SGCZ: variants seen among roughly 807,000 people sequenced by gnomAD.
SGCZ encodes sarcoglycan zeta.
A neutral mutation model predicts 41.3 loss-of-function variants in SGCZ; 40 were observed. The observed-to-expected ratio is 0.97, with a 90% CI of 0.75 to 1.26. SGCZ has a LOEUF of 1.26. SGCZ is among the 50% of genes most tolerant of loss of function. SGCZ has a pLI of 0.00. For synonymous variants in SGCZ, 206 were observed against 137.5 expected (o/e 1.50, Z -3.49); for missense variants, 552 against 369.8 (o/e 1.49, Z -4.04).
At chr8:14,520,517 C>G (rs1015062418) in intron 2 of SGCZ, among the ~76,000 whole-genome samples, 1 of 152,082 alleles carries the variant, frequency 6.6e-6, no homozygotes, top group Non-Finnish European at 1.5e-5. Context: ...TAAAATGTAA[C>G]AATTCTGCAA....
intron 2 of SGCZ, among the ~76,000 whole-genome samples, chr8:14,384,878 C>G (rs1482241050): frequency 1.3e-5 from 2 of 152,184 alleles, no homozygotes; most frequent in African/African-American, 2.4e-5. Context: ...ATTGGCAATT[C>G]TTATTTGTAA....
intron 1 of SGCZ, among the ~76,000 whole-genome samples, chr8:15,097,846 ATATATATATAC>A (rs1806421858): frequency 1.1e-5 from 1 of 92,770 alleles, no homozygotes; most frequent in Non-Finnish European, 2.1e-5. Flanking sequence ...GTGTGTGTAT[ATATATATATAC>A]GTGTGTGTGT....
intron 1 of SGCZ, among the ~76,000 whole-genome samples, chr8:14,764,482 A>AGT (rs1295365572): frequency 6.6e-6 from 1 of 152,210 alleles, no homozygotes; most frequent in Admixed American, 6.5e-5. Flanking sequence ...TGCAAAGCTA[A>AGT]GTGTAAACCA....
chr8:14,148,148 A>G (rs1803584966), intron 5 of SGCZ, among the ~76,000 whole-genome samples: 1 of 152,160 alleles, frequency 6.6e-6, no homozygotes, highest in South Asian at 2.1e-4. Context: ...TTAAAGAACT[A>G]GGAATGCATG....
intron 2 of SGCZ, among the ~76,000 whole-genome samples, chr8:14,531,021 T>C (rs539807875): frequency 3.3e-5 from 5 of 152,046 alleles, no homozygotes; most frequent in African/African-American, 9.6e-5. Flanking sequence ...TCAAGGACAG[T>C]GTGAAGTCTG....
chr8:15,209,832 G>A (rs567303485), intron 1 of SGCZ, among the ~76,000 whole-genome samples: 28 of 152,062 alleles, frequency 1.8e-4, no homozygotes, highest in African/African-American at 6.3e-4. Flanking sequence ...CCCAGCCCCC[G>A]GAAGTAAATA....
intron 1 of SGCZ, among the ~76,000 whole-genome samples, chr8:14,777,122 AT>A (rs2130421301): frequency 6.6e-6 from 1 of 152,320 alleles, no homozygotes; most frequent in East Asian, 1.9e-4. Context: ...TCTGGCTTAA[AT>A]TTAGTAAATG....
chr8:15,099,138 A>G (rs1223833362), intron 1 of SGCZ, among the ~76,000 whole-genome samples: 1 of 152,238 alleles, frequency 6.6e-6, no homozygotes, highest in Admixed American at 6.5e-5. Flanking sequence ...GTTATTGTGT[A>G]GAGAAAACAC....
intron 4 of SGCZ, among the ~76,000 whole-genome samples, chr8:14,223,666 C>A (rs1405347167): frequency 1.3e-5 from 2 of 152,012 alleles, no homozygotes; most frequent in African/African-American, 4.8e-5. Context: ...TGCTTAGCAC[C>A]CAGCAGCATT....
intron 2 of SGCZ, among the ~76,000 whole-genome samples, chr8:14,409,731 G>C (rs1799309613): frequency 6.6e-6 from 1 of 152,024 alleles, no homozygotes; most frequent in South Asian, 2.1e-4. Flanking sequence ...AATCCCTCTT[G>C]TAGTCTTAAA....
chr8:15,232,088 A>G (rs540444312), intron 1 of SGCZ, among the ~76,000 whole-genome samples: 1 of 152,346 alleles, frequency 6.6e-6, no homozygotes, highest in South Asian at 2.1e-4. Context: ...ATTTAAATGC[A>G]TATTCTCAAA....
chr8:15,029,187 C>T (rs1037359352), intron 1 of SGCZ, among the ~76,000 whole-genome samples: 1 of 152,050 alleles, frequency 6.6e-6, no homozygotes, highest in Non-Finnish European at 1.5e-5. Context: ...AGCATAAGAA[C>T]AGAAAATTTA....
At chr8:15,209,484 AAAAAAAAAAAAAAAAAAAAG>A (rs1363667908) in intron 1 of SGCZ, among the ~76,000 whole-genome samples, 1 of 8,172 alleles carries the variant, frequency 1.2e-4, no homozygotes, top group Non-Finnish European at 5.1e-4. Flanking sequence ...GTAAAAAAAA[AAAAAAAAAAAAAAAAAAAAG>A]TGGCTTTCAG....
rs547627361 is a variant in SGCZ, at chr8:14,702,663, A to T, written c.40-147737T>A. Among the ~76,000 whole-genome samples the T allele has an allele frequency of 1.7e-4, 26 of 151,964 alleles. 1 individual carries two copies. The South Asian group carries it at 5.2e-3, about 30-fold the overall frequency. On this transcript the variant is annotated intron_variant, in intron 1 of 7. Transcript: ENST00000382080. ...ATTTACTCAGTTGCTCAAGTCAAAC[A>T]CCTTGGGGTCACTGATGACTTTCTC...
chr8:14,943,442 T>C (rs1585399511), intron 1 of SGCZ, among the ~76,000 whole-genome samples: 1 of 152,182 alleles, frequency 6.6e-6, no homozygotes, highest in Admixed American at 6.5e-5. Flanking sequence ...TCTTTGGATC[T>C]ATACTGATGC....
At chr8:15,108,336 G>A (rs749861300) in intron 1 of SGCZ, among the ~76,000 whole-genome samples, 3 of 152,098 alleles carry the variant, frequency 2.0e-5, no homozygotes, top group African/African-American at 7.2e-5. Context: ...GTAGGTCTGA[G>A]GTTGCTCACT....
chr8:14,480,953 G>T (rs1801519118), intron 2 of SGCZ, among the ~76,000 whole-genome samples: 1 of 151,972 alleles, frequency 6.6e-6, no homozygotes, highest in African/African-American at 2.4e-5. Context: ...CTTAATGAAT[G>T]AAGTTATCTT....
chr8:14,329,751 C>T (rs563660445), intron 2 of SGCZ, among the ~76,000 whole-genome samples: 7 of 152,144 alleles, frequency 4.6e-5, no homozygotes, highest in African/African-American at 1.7e-4. Flanking sequence ...CCAACCCCCT[C>T]CTTTAGAATG....
intron 1 of SGCZ, among the ~76,000 whole-genome samples, chr8:14,920,046 A>G (rs1470105793): frequency 1.3e-5 from 2 of 152,204 alleles, no homozygotes; most frequent in Non-Finnish European, 2.9e-5. Flanking sequence ...TTCTAAAAAT[A>G]AGGAAACTAA....
Sources: allele counts gnomAD v4.1 joint callset (sites outside exome capture counted in the v4.1 genomes callset), GRCh38; gene constraint gnomAD v4.1.1; transcripts MANE v1.5; gene names NCBI Gene and HGNC (gene_info 2026-07-23, HGNC 2026-07-21).